The following EIF4G3 variants were observed in gnomAD, a reference collection of about 807,000 sequenced individuals.
EIF4G3 encodes eIF-4-gamma 3.
Under a neutral mutation model 186.4 loss-of-function variants are expected in EIF4G3, and 34 were observed. The ratio of observed to expected loss-of-function variants is 0.18; its 90% confidence interval spans 0.14 to 0.24. The LOEUF is 0.24. Among genes scored for constraint, EIF4G3 ranks in the 10% least tolerant of loss-of-function variants. EIF4G3 has a pLI of 1.00. For synonymous variants in EIF4G3, 673 were observed against 679.5 expected (o/e 0.99, Z 0.15); for missense variants, 1,536 against 1,948.5 (o/e 0.79, Z 3.99).
intron 31 of EIF4G3, 30 bp downstream of exon 31, chr1:20,829,117 T>A (rs774567150): frequency 2.5e-6 from 4 of 1,611,170 alleles, no homozygotes; most frequent in Non-Finnish European, 3.4e-6. Flanking sequence ...TTCTACCTGA[T>A]ATATATCAAG....
intron 16 of EIF4G3, among the ~76,000 whole-genome samples, chr1:20,896,495 C>G (rs2088163185): frequency 6.7e-6 from 1 of 149,484 alleles, no homozygotes; most frequent in African/African-American, 2.5e-5. Context: ...TTTTGCATAG[C>G]TATACAGTGT....
At chr1:20,872,789 G>A (rs1231168991) in intron 20 of EIF4G3, among the ~76,000 whole-genome samples, 1 of 138,192 alleles carries the variant, frequency 7.2e-6, no homozygotes, top group African/African-American at 2.7e-5. Context: ...CATGATCTCA[G>A]CTCACTGCAA....
At chr1:21,001,745 T>C (rs766963793) in intron 5 of EIF4G3, among the ~76,000 whole-genome samples, 17 of 151,894 alleles carry the variant, frequency 1.1e-4, no homozygotes, top group South Asian at 2.1e-4. Context: ...AAAAGGAAAA[T>C]AGAAAAAGGA....
intron 14 of EIF4G3, among the ~76,000 whole-genome samples, chr1:20,916,560 A>G (rs1380365492): frequency 6.6e-6 from 1 of 152,214 alleles, no homozygotes; most frequent in Non-Finnish European, 1.5e-5. Flanking sequence ...AATGCAAATC[A>G]AATTTCAACT....
chr1:21,062,737 G>C (rs766057746), intron 3 of EIF4G3, among the ~76,000 whole-genome samples: 1 of 152,028 alleles, frequency 6.6e-6, no homozygotes. Flanking sequence ...TTACAGGTGC[G>C]TGCCACCACG....
At chr1:21,016,858 A>C (rs2089247827) in intron 4 of EIF4G3, among the ~76,000 whole-genome samples, 1 of 151,014 alleles carries the variant, frequency 6.6e-6, no homozygotes, top group Non-Finnish European at 1.5e-5. Flanking sequence ...AGTCCTAGCT[A>C]CTCGGGGGCC....
chr1:20,952,698 A>G (rs1238712375), intron 12 of EIF4G3, among the ~76,000 whole-genome samples: 1 of 152,068 alleles, frequency 6.6e-6, no homozygotes, highest in Non-Finnish European at 1.5e-5. Context: ...AAAATACAAA[A>G]ATTAGCCAGG....
intron 10 of EIF4G3, among the ~76,000 whole-genome samples, chr1:20,978,787 G>C (rs189647520): frequency 6.6e-6 from 1 of 151,718 alleles, no homozygotes; most frequent in Non-Finnish European, 1.5e-5. Flanking sequence ...AGGGTATTGC[G>C]TATCACTTTG....
At chr1:20,887,002 G>A (rs1019588888) in intron 18 of EIF4G3, among the ~76,000 whole-genome samples, 7 of 152,216 alleles carry the variant, frequency 4.6e-5, no homozygotes, top group Middle Eastern at 3.4e-3. Flanking sequence ...TATACTGCCA[G>A]CACACTAAGT....
At chr1:20,823,619 C>T (rs1231548527) in intron 33 of EIF4G3, among the ~76,000 whole-genome samples, 1 of 152,180 alleles carries the variant, frequency 6.6e-6, no homozygotes, top group Non-Finnish European at 1.5e-5. Context: ...AAGAGATTCT[C>T]TTGCTTCAGC....
chr1:21,118,251 G>A (rs1012276365), intron 2 of EIF4G3, among the ~76,000 whole-genome samples: 12 of 152,244 alleles, frequency 7.9e-5, no homozygotes, highest in African/African-American at 1.9e-4. Flanking sequence ...AGACACCTCC[G>A]TATTTCAGTA....
Position 21,030,170 on chromosome 1 carries a change from G to A in EIF4G3, c.-67+20696C>T, listed in dbSNP as rs142501410. Among the ~76,000 whole-genome samples the A allele has an allele frequency of 4.3e-4, 65 of 152,314 alleles. 1 individual carries two copies. The highest frequency in any genetic ancestry group is 1.4e-3 in the African/African-American group (57 of 41,570). ...ATTACAGGTATGAGCCACTGGGCTGGTTGGAGAAATTTTAGACTTCAAGAA... is the reference window on the plus strand; with the variant it reads ...ATTACAGGTATGAGCCACTGGGCTGATTGGAGAAATTTTAGACTTCAAGAA... On this transcript the variant is annotated intron_variant, in intron 4 of 36. Coordinates refer to ENST00000602326, the MANE Select transcript of EIF4G3 (RefSeq NM_001391906.1).
Position 20,912,005 on chromosome 1 carries a change from T to A in EIF4G3, c.1664-7034A>T, listed in dbSNP as rs189813477. Among the ~76,000 whole-genome samples, 65 of 152,118 alleles carry A rather than the reference T, an allele frequency of 4.3e-4. 1 individual carries two copies. Among genetic ancestry groups the A allele is most frequent in the African/African-American group, 1.4e-3 (57 of 41,520 alleles). The stretch of plus-strand genomic sequence containing the variant: ...GAGTGAGGCTCTGTCTCTAAAAAAA[T>A]AAGGCCAGGTATGGTGGCTCATGCC... On this transcript the variant is annotated intron_variant, in intron 14 of 36. Coordinates refer to ENST00000602326, the MANE Select transcript of EIF4G3 (RefSeq NM_001391906.1).
chr1:20,928,614 G>A (rs940718303), intron 14 of EIF4G3, among the ~76,000 whole-genome samples: 4 of 152,136 alleles, frequency 2.6e-5, no homozygotes, highest in Admixed American at 1.3e-4. Flanking sequence ...TGTTGGCCAG[G>A]ATGGTCTTGA....
rs1452906152 is a variant in EIF4G3, at chr1:20,905,956, A to C, written c.1664-985T>G. ...GGACAGTCTCATCTTTTTTGGTATG[A>C]CAGTAGAACGTGCACACACACTTTT... On this transcript the variant is annotated intron_variant, in intron 14 of 36. Transcript: ENST00000602326. Among the ~76,000 whole-genome samples, 6 of 152,332 alleles carry C rather than the reference A, an allele frequency of 3.9e-5. No individual in the cohort carries two copies. The East Asian group carries it at 9.6e-4, about 24-fold the overall frequency.
chr1:20,909,943 G>A (rs1049736663), intron 14 of EIF4G3, among the ~76,000 whole-genome samples: 3 of 151,744 alleles, frequency 2.0e-5, no homozygotes, highest in East Asian at 3.9e-4. Context: ...AACCATGCCC[G>A]GCTAATTTTT....
At chr1:21,078,901 C>T (rs2095673442) in intron 3 of EIF4G3, among the ~76,000 whole-genome samples, 1 of 152,192 alleles carries the variant, frequency 6.6e-6, no homozygotes, top group Non-Finnish European at 1.5e-5. Flanking sequence ...AGGAGAATCG[C>T]TTGAACCCAG....
At chr1:21,096,133 G>A (rs1342395267) in intron 2 of EIF4G3, among the ~76,000 whole-genome samples, 1 of 152,040 alleles carries the variant, frequency 6.6e-6, no homozygotes. Flanking sequence ...GCAAAAATAT[G>A]GAATCAACCT....
At chr1:20,960,226 G>A (rs543908925) in intron 12 of EIF4G3, among the ~76,000 whole-genome samples, 2 of 150,540 alleles carry the variant, frequency 1.3e-5, no homozygotes, top group East Asian at 4.1e-4. Context: ...CAGCACTTTG[G>A]GAGGCTGAGG....
Sources: gnomAD v4.1 joint callset for allele counts (sites outside exome capture counted in the v4.1 genomes callset) on GRCh38, gnomAD v4.1.1 for gene constraint, MANE v1.5 for transcripts, NCBI Gene and HGNC (gene_info 2026-07-23, HGNC 2026-07-21) for gene names.